The following NRXN1 variants were observed in gnomAD, a reference collection of about 807,000 sequenced individuals.
NRXN1 encodes the protein neurexin 1, also known as neurexin-1.
A neutral mutation model predicts 150.9 loss-of-function variants in NRXN1; 39 were observed. That is an observed-to-expected ratio of 0.26 (90% CI 0.20 to 0.34). The LOEUF (loss-of-function observed/expected upper bound fraction) is 0.34. NRXN1 is among the 10% of genes least tolerant of loss of function. The probability of loss-of-function intolerance (pLI) is 1.00; values close to 1 mark genes in which losing one functional copy is unlikely to be tolerated. For missense variants in NRXN1, 1,815 were observed against 1,949.9 expected (o/e 0.93, Z 1.30); for synonymous variants, 924 against 757.0 (o/e 1.22, Z -3.62).
intron 5 of NRXN1, among the ~76,000 whole-genome samples, chr2:50,683,890 G>A (rs1221204278): frequency 1.3e-5 from 2 of 150,988 alleles, no homozygotes; most frequent in Non-Finnish European, 2.9e-5. Flanking sequence ...ATGGTAAAAG[G>A]AGCAAGAAAA....
At chr2:51,020,346 C>T (rs892131448) in intron 2 of NRXN1, among the ~76,000 whole-genome samples, 21 of 151,614 alleles carry the variant, frequency 1.4e-4, no homozygotes, top group Non-Finnish European at 2.8e-4. Flanking sequence ...TTTACCCAAG[C>T]GGAATAAGGG....
chr2:50,261,434 G>T (rs1389434129), intron 17 of NRXN1, among the ~76,000 whole-genome samples: 1 of 151,784 alleles, frequency 6.6e-6, no homozygotes, highest in Non-Finnish European at 1.5e-5. Context: ...TTTGAAAGCA[G>T]CAAGATTATG....
At chr2:50,374,727 G>T (rs1245392050) in intron 17 of NRXN1, among the ~76,000 whole-genome samples, 2 of 152,106 alleles carry the variant, frequency 1.3e-5, no homozygotes, top group Non-Finnish European at 2.9e-5. Context: ...ATTTTTAACA[G>T]TTAATATCTA....
chr2:50,100,131 A>G (rs1368052595), intron 18 of NRXN1, among the ~76,000 whole-genome samples: 1 of 152,146 alleles, frequency 6.6e-6, no homozygotes, highest in Non-Finnish European at 1.5e-5. Context: ...GTGTTTTTAA[A>G]TCAGAGATTC....
Position 50,867,414 on chromosome 2 carries a change from G to A in NRXN1, c.832+54455C>T, listed in dbSNP as rs115801165. On this transcript the variant is annotated intron_variant, in intron 5 of 22. Transcript: ENST00000401669. ...TCACTACAGGGAAATGGTTGAGAGG[G>A]GACAGACGGAGAACTGTGAAGAAAT... Among the ~76,000 whole-genome samples, 1,293 of 151,884 alleles carry A rather than the reference G, an allele frequency of 8.5e-3. 13 individuals are homozygous for A. Among genetic ancestry groups the A allele is most frequent in the African/African-American group, 0.03 (1,227 of 41,486 alleles).
intron 8 of NRXN1, among the ~76,000 whole-genome samples, chr2:50,565,084 C>G (rs1162544810): frequency 6.6e-6 from 1 of 152,132 alleles, no homozygotes; most frequent in Non-Finnish European, 1.5e-5. Flanking sequence ...CAAATTCTCA[C>G]ACAACCCAAA....
At chr2:50,060,086 T>G (rs1047504132) in intron 19 of NRXN1, among the ~76,000 whole-genome samples, 1 of 152,058 alleles carries the variant, frequency 6.6e-6, no homozygotes, top group Non-Finnish European at 1.5e-5. Context: ...GCTTCCACCA[T>G]GCACCTGGAA....
Position 50,311,876 on chromosome 2 carries a change from G to A in NRXN1, c.3365-74906C>T, listed in dbSNP as rs146637984. Among the ~76,000 whole-genome samples the A allele has an allele frequency of 8.6e-4, 131 of 152,080 alleles. 1 individual carries two copies. The East Asian group carries it at 0.021, about 24-fold the overall frequency. On this transcript the variant is annotated intron_variant, in intron 17 of 22. Transcript: ENST00000401669. ...TGTCTGTAAACCTAAATAAATGTTA[G>A]TATAAATAATAAATACCTACACAAT...
chr2:49,952,496 T>C (rs1674144540), intron 21 of NRXN1, among the ~76,000 whole-genome samples: 1 of 152,074 alleles, frequency 6.6e-6, no homozygotes. Flanking sequence ...TATTTTGAAA[T>C]GGAGTTAACC....
At chr2:50,420,661 A>G (rs559841253) in intron 17 of NRXN1, among the ~76,000 whole-genome samples, 7 of 152,172 alleles carry the variant, frequency 4.6e-5, no homozygotes, top group Admixed American at 4.6e-4. Context: ...ATGAGGTTCT[A>G]GCATTGTGTG....
chr2:49,928,483 T>A (rs2104128958), intron 22 of NRXN1, among the ~76,000 whole-genome samples: 1 of 152,262 alleles, frequency 6.6e-6, no homozygotes, highest in South Asian at 2.1e-4. Flanking sequence ...AGGCTAGACT[T>A]GAAAGTGATT....
At chr2:50,171,030 A>C (rs995512521) in intron 18 of NRXN1, among the ~76,000 whole-genome samples, 1 of 152,228 alleles carries the variant, frequency 6.6e-6, no homozygotes, top group African/African-American at 2.4e-5. Context: ...AATGTTATTT[A>C]GAAAATCATA....
intron 5 of NRXN1, among the ~76,000 whole-genome samples, chr2:50,826,946 C>T (rs1197290420): frequency 6.6e-6 from 1 of 152,164 alleles, no homozygotes; most frequent in East Asian, 1.9e-4. Context: ...TTCAGACCAG[C>T]ATTTGGAAGC....
chr2:50,136,502 G>A (rs888012003), intron 18 of NRXN1, among the ~76,000 whole-genome samples: 2 of 152,120 alleles, frequency 1.3e-5, no homozygotes, highest in African/African-American at 2.4e-5. Context: ...ATCACAGCTT[G>A]TAATATCTCA....
At chr2:50,887,161 T>C (rs1403799141) in intron 5 of NRXN1, among the ~76,000 whole-genome samples, 1 of 151,468 alleles carries the variant, frequency 6.6e-6, no homozygotes, top group African/African-American at 2.4e-5. Flanking sequence ...CAAAATGGAT[T>C]TGACCAACTA....
intron 19 of NRXN1, among the ~76,000 whole-genome samples, chr2:50,086,208 T>G (rs1698753525): frequency 6.6e-6 from 1 of 152,194 alleles, no homozygotes; most frequent in African/African-American, 2.4e-5. Flanking sequence ...AACACTTCAG[T>G]ACCAACCCTG....
At chr2:50,538,734 A>T in intron 9 of NRXN1, 98 bp from the exon 10 acceptor site, 1 of 958,338 alleles carries the variant, frequency 1.0e-6, no homozygotes, top group Non-Finnish European at 1.4e-6. Flanking sequence ...AACTCCTTGG[A>T]GGCAGACAAT....
intron 12 of NRXN1, chr2:50,526,718 T>C (rs2092961813): frequency 6.6e-6 from 1 of 152,232 alleles, no homozygotes; most frequent in Non-Finnish European, 1.5e-5. Flanking sequence ...GTTCATTGAA[T>C]GTTCTTTCCA....
chr2:50,818,050 T>C (rs1468099471), intron 5 of NRXN1, among the ~76,000 whole-genome samples: 4 of 94,432 alleles, frequency 4.2e-5, no homozygotes, highest in African/African-American at 1.7e-4. Context: ...CAGCAAAAAG[T>C]AAAAAAAATC....
Sources: gnomAD v4.1 joint callset for allele counts (sites outside exome capture counted in the v4.1 genomes callset) on GRCh38, gnomAD v4.1.1 for gene constraint, MANE v1.5 for transcripts, NCBI Gene and HGNC (gene_info 2026-07-23, HGNC 2026-07-21) for gene names.